TBC1D22A: variants seen among roughly 807,000 people sequenced by gnomAD.
The protein encoded by TBC1D22A is TBC1 domain family member 22A.
TBC1D22A carries 38 observed loss-of-function variants against 60.2 expected under a neutral mutation model. The observed-to-expected ratio is 0.63, with a 90% confidence interval of 0.49 to 0.83. The LOEUF (loss-of-function observed/expected upper bound fraction) is 0.83, where lower values mean the gene tolerates loss of function less well. Among genes scored for constraint, TBC1D22A ranks in the 40% least tolerant of loss-of-function variants. The pLI, the probability that TBC1D22A is intolerant of heterozygous loss-of-function variation, is 0.00. For synonymous variants in TBC1D22A, 302 were observed against 281.7 expected (o/e 1.07, Z -0.72); for missense variants, 628 against 701.0 (o/e 0.90, Z 1.18).
chr22:46,944,660 A>C (rs1385634729), intron 8 of TBC1D22A, among the ~76,000 whole-genome samples: 1 of 152,338 alleles, frequency 6.6e-6, no homozygotes, highest in Admixed American at 6.5e-5. Flanking sequence ...GGCCTCCCAA[A>C]GTGCTGGGAT....
At chr22:46,772,513 T>G (rs1332507266) in intron 1 of TBC1D22A, among the ~76,000 whole-genome samples, 3 of 21,706 alleles carry the variant, frequency 1.4e-4, no homozygotes, top group Non-Finnish European at 1.7e-4. Flanking sequence ...CACATATACA[T>G]ATATATGTAT....
chr22:46,786,201 GT>G (rs1378961830), intron 1 of TBC1D22A, among the ~76,000 whole-genome samples: 1 of 152,142 alleles, frequency 6.6e-6, no homozygotes, highest in East Asian at 1.9e-4. Context: ...TTCCTAGTTT[GT>G]TGATAATTTT....
Position 46,941,668 on chromosome 22 carries a change from A to G in TBC1D22A, c.1015+29480A>G, listed in dbSNP as rs375944650. Among the ~76,000 whole-genome samples the G allele has an allele frequency of 1.7e-4, 25 of 147,398 alleles. No individual in the cohort carries two copies. The East Asian group carries it at 3.0e-3, about 17-fold the overall frequency. On this transcript the variant is annotated intron_variant, in intron 8 of 12. Transcript: ENST00000337137. ...ATATATACGGAATATATATACGCGGAATATATATACGGAATATATATACGC... is the reference window on the plus strand; with the variant it reads ...ATATATACGGAATATATATACGCGGGATATATATACGGAATATATATACGC...
At chr22:46,966,633 C>T (rs951206636) in intron 8 of TBC1D22A, among the ~76,000 whole-genome samples, 6 of 152,224 alleles carry the variant, frequency 3.9e-5, no homozygotes, top group Non-Finnish European at 7.3e-5. Context: ...GCAAAAGTGA[C>T]CTCATCAAAA....
chr22:46,989,830 T>C (rs2074870421), intron 9 of TBC1D22A, among the ~76,000 whole-genome samples: 1 of 151,634 alleles, frequency 6.6e-6, no homozygotes, highest in Non-Finnish European at 1.5e-5. Flanking sequence ...TTTGACAGAG[T>C]CTCACTGTGT....
chr22:46,962,993 C>A (rs1407783227), intron 8 of TBC1D22A, among the ~76,000 whole-genome samples: 2 of 150,986 alleles, frequency 1.3e-5, no homozygotes, highest in Admixed American at 1.3e-4. Context: ...GTTGGTGGAT[C>A]ACAAGGTCAG....
chr22:46,883,323 A>G (rs540997747), intron 5 of TBC1D22A, among the ~76,000 whole-genome samples: 80 of 152,322 alleles, frequency 5.3e-4, no homozygotes, highest in African/African-American at 1.6e-3. Context: ...TACATTTATG[A>G]TGAGTGTTTT....
chr22:46,913,556 TC>T (rs2070122959), intron 8 of TBC1D22A: 1 of 1,209,332 alleles, frequency 8.3e-7, no homozygotes, highest in Non-Finnish European at 1.1e-6. Context: ...CACTCCCTAA[TC>T]ATCTCTTAAG....
intron 8 of TBC1D22A, among the ~76,000 whole-genome samples, chr22:46,957,597 G>C (rs2073271176): frequency 6.6e-6 from 1 of 152,216 alleles, no homozygotes; most frequent in African/African-American, 2.4e-5. Flanking sequence ...ATGAGACTTG[G>C]GTGGGGGCAC....
intron 8 of TBC1D22A, chr22:46,914,956 T>C (rs60582261): frequency 0.085 from 15,936 of 186,394 alleles, 1,509 homozygotes; most frequent in African/African-American, 0.25. Context: ...GGTGAGGTGA[T>C]GTTTTAGCCA....
At chr22:47,072,018 T>C (rs1471274592) in intron 11 of TBC1D22A, among the ~76,000 whole-genome samples, 1 of 152,358 alleles carries the variant, frequency 6.6e-6, no homozygotes, top group Admixed American at 6.5e-5. Context: ...ACGAGTGTTA[T>C]TCTAGAAAAC....
chr22:47,069,902 G>A (rs1191269206), intron 11 of TBC1D22A, among the ~76,000 whole-genome samples: 1 of 141,070 alleles, frequency 7.1e-6, no homozygotes, highest in East Asian at 2.0e-4. Context: ...CTGACTTGAC[G>A]GTTCCAGCGC....
chr22:46,962,011 A>C (rs1228090595), intron 8 of TBC1D22A, among the ~76,000 whole-genome samples: 1 of 152,226 alleles, frequency 6.6e-6, no homozygotes, highest in Non-Finnish European at 1.5e-5. Flanking sequence ...CGTCAGTGGC[A>C]GGTGGTTGAA....
chr22:46,966,175 C>T (rs1433013417), intron 8 of TBC1D22A, among the ~76,000 whole-genome samples: 2 of 152,214 alleles, frequency 1.3e-5, no homozygotes, highest in Admixed American at 1.3e-4. Context: ...TGCGCTCTAT[C>T]CGATCCTGCC....
At chr22:47,150,136 C>T (rs140511387) in intron 12 of TBC1D22A, among the ~76,000 whole-genome samples, 1,975 of 152,192 alleles carry the variant, frequency 0.013, 41 homozygotes, top group African/African-American at 0.045. Flanking sequence ...GAAAGGATAG[C>T]GAAGGGCCCC....
At chr22:46,872,190 A>C (rs1179108151) in intron 4 of TBC1D22A, among the ~76,000 whole-genome samples, 1 of 152,210 alleles carries the variant, frequency 6.6e-6, no homozygotes, top group African/African-American at 2.4e-5. Context: ...TCAGGACCAG[A>C]TGGCTTTGTC....
intron 12 of TBC1D22A, among the ~76,000 whole-genome samples, chr22:47,129,752 A>G (rs951972810): frequency 2.6e-5 from 4 of 152,218 alleles, no homozygotes; most frequent in Non-Finnish European, 5.9e-5. Flanking sequence ...GCTATGTGTT[A>G]TATATTAGAG....
chr22:47,150,898 C>G (rs186841881), intron 12 of TBC1D22A, among the ~76,000 whole-genome samples: 1 of 152,196 alleles, frequency 6.6e-6, no homozygotes, highest in Admixed American at 6.5e-5. Context: ...CTCTTCCTTC[C>G]GTGGGAACTC....
At chr22:46,792,836 G>T (rs1331477714) in intron 2 of TBC1D22A, 2 of 1,436,812 alleles carry the variant, frequency 1.4e-6, no homozygotes, top group East Asian at 5.0e-5. Context: ...CCAGGAGCTG[G>T]CATCCTTTAG....
Sources: gnomAD v4.1 joint callset for allele counts (sites outside exome capture counted in the v4.1 genomes callset) on GRCh38, gnomAD v4.1.1 for gene constraint, MANE v1.5 for transcripts, NCBI Gene and HGNC (gene_info 2026-07-23, HGNC 2026-07-21) for gene names.